Variants in NLRP14 observed in about 807,000 individuals in gnomAD.
NLRP14 encodes NACHT, LRR and PYD domains-containing protein 14.
In NLRP14, 105 loss-of-function variants were observed where a neutral mutation model predicts 94.7. The ratio of observed to expected loss-of-function variants is 1.11; its 90% CI spans 0.95 to 1.30. The LOEUF (loss-of-function observed/expected upper bound fraction) is 1.30, where lower values mean the gene tolerates loss of function less well. Ranked by LOEUF, NLRP14 falls within the 50% of genes most tolerant of loss-of-function variation. NLRP14 has a pLI of 0.00. For missense variants in NLRP14, 1,362 were observed against 1,254.1 expected, an observed-to-expected ratio of 1.09 and a Z score of -1.30; for synonymous variants, 508 against 459.9, an observed-to-expected ratio of 1.10 and a Z score of -1.34.
At chr11:7,070,573 A>C in intron 11 of NLRP14, 117 bp downstream of exon 11, 1 of 715,956 alleles carries the variant, frequency 1.4e-6, no homozygotes, top group Non-Finnish European at 2.4e-6. Flanking sequence ...TATTTTCTAG[A>C]CACTTATTTG....
chr11:7,047,796 T>C (rs1852381221), intron 5 of NLRP14, among the ~76,000 whole-genome samples: 1 of 143,622 alleles, frequency 7.0e-6, no homozygotes, highest in Admixed American at 7.2e-5. Context: ...AGTCTTGCTC[T>C]GTCACCAGGC....
At position 7,030,807 on chromosome 11, in the gene NLRP14, G is replaced by GTC. The variant is rs1293403140; in HGVS notation, c.-21-7759_-21-7758insTC. On this transcript the variant is annotated intron_variant, in intron 1 of 11. Coordinates refer to ENST00000299481, the MANE Select transcript of NLRP14 (RefSeq NM_176822.4). ...GCCAGTCTGGGAAAGGTCCTTCAAA[G>GTC]CTGGGGTTCAATTCCCCGACTTCCT... Among the ~76,000 whole-genome samples, 1,169 of 152,312 alleles carry GTC rather than the reference G, an allele frequency of 7.7e-3. 14 individuals carry two copies. Among genetic ancestry groups the GTC allele is most frequent in the African/African-American group, 0.027 (1,127 of 41,584 alleles).
chr11:7,072,985 A>C (rs1852824552), downstream of NLRP14, among the ~76,000 whole-genome samples: 1 of 152,038 alleles, frequency 6.6e-6, no homozygotes, highest in Non-Finnish European at 1.5e-5. Context: ...ACTATGGCTC[A>C]AGAATTGCTT....
rs553447709 is a variant in NLRP14, at chr11:7,046,746, C to G, written c.2037C>G (p.Asp679Glu). The G allele has an allele frequency of 2.0e-5, 32 of 1,613,224 alleles. No individual in the cohort carries two copies. The East Asian group carries it at 2.5e-4, about 12-fold the overall frequency. Residue 679 changes from aspartate to glutamate, a missense_variant, in exon 5 of 12, where the codon GAC becomes GAG. Asp to Glu is a conservative substitution (Grantham distance 45). Coordinates refer to ENST00000299481, the MANE Select transcript of NLRP14 (RefSeq NM_176822.4). ...CAAATGAACACTTGAGAGAATTGGACCTGTACCATAGCAACCTTGATAAAT... is the reference window on the plus strand; with the variant it reads ...CAAATGAACACTTGAGAGAATTGGAGCTGTACCATAGCAACCTTGATAAAT... Reference protein sequence around the residue: ...LHTNEHLRELDLYHSNLDKSA... With the variant: ...LHTNEHLRELELYHSNLDKSA...
chr11:7,057,908 GTGAT>G, intron 7 of NLRP14, 61 bp downstream of exon 7: 1 of 1,399,556 alleles, frequency 7.1e-7, no homozygotes, highest in Non-Finnish European at 1.0e-6. Context: ...TAGCTTAATT[GTGAT>G]CTGATAGGGA....
In NLRP14 at chr11:7,048,628, A is replaced by G. The variant is rs1288689617; in HGVS notation, c.2124-1043A>G. Among the ~76,000 whole-genome samples, 2 of 152,070 alleles carry G rather than the reference A, an allele frequency of 1.3e-5. 1 individual carries two copies. Among genetic ancestry groups the G allele is most frequent in the East Asian group, 3.9e-4 (2 of 5,184 alleles). ...AGAGTAGGCTTGGTCTTACATATAG[A>G]TGTAGTAAGACAACTAGATGTATGT... On this transcript the variant is annotated intron_variant, in intron 5 of 11. Coordinates refer to ENST00000299481, the MANE Select transcript of NLRP14 (RefSeq NM_176822.4).
intron 1 of NLRP14, among the ~76,000 whole-genome samples, chr11:7,031,921 A>G (rs1852103800): frequency 6.6e-6 from 1 of 152,146 alleles, no homozygotes; most frequent in African/African-American, 2.4e-5. Context: ...GGCGTTGGTC[A>G]TCCTCTCTAG....
Position 7,070,313 on chromosome 11 carries a change from C to A in NLRP14, c.3003C>A (p.Leu1001=). Residue 1001 remains leucine, a synonymous_variant, in exon 11 of 12, where the codon CTC becomes CTA. Coordinates refer to ENST00000299481, the MANE Select transcript of NLRP14 (RefSeq NM_176822.4). Reference sequence around the variant, plus strand: ...TGGAATACTGTGGTTTGACATCTCTCTGCTGTCAAGATCTCTCCTCTGCTC... The same window carrying A: ...TGGAATACTGTGGTTTGACATCTCTATGCTGTCAAGATCTCTCCTCTGCTC... ...LGLEYCGLTS[L]CCQDLSSALI... 2 of 1,611,674 alleles carry A rather than the reference C, an allele frequency of 1.2e-6. No homozygotes were observed. The highest frequency in any genetic ancestry group is 1.7e-6 in the Non-Finnish European group (2 of 1,177,968).
intron 10 of NLRP14, among the ~76,000 whole-genome samples, chr11:7,067,120 T>A (rs1019746434): frequency 1.3e-5 from 2 of 152,208 alleles, no homozygotes; most frequent in African/African-American, 4.8e-5. Context: ...TAGTACAGTT[T>A]GAAGTCAGGT....
rs758968602 is a variant in NLRP14 at position 7,062,398 on chromosome 11, C to G, written c.2870C>G (p.Pro957Arg). Residue 957 changes from proline to arginine, a missense_variant, in exon 10 of 12, where the codon CCA (proline) becomes CGA (arginine). Pro to Arg is a moderately radical substitution (Grantham distance 103). Transcript: ENST00000299481. ...CTGGCTTCTGTTATTTTGAATAACC[C>G]AAACCTGAGGAGCCTGGACCTTGGG... The part of the protein sequence containing the change: ...LDLASVILNN[P>R]NLRSLDLGNN... The G allele has an allele frequency of 1.2e-6, 2 of 1,612,922 alleles. No homozygotes were observed. The highest frequency in any genetic ancestry group is 1.7e-6 in the Non-Finnish European group (2 of 1,179,194).
the NLRP14 span, among the ~76,000 whole-genome samples, chr11:7,085,695 T>G: frequency 5.4e-4 from 83 of 152,366 alleles, no homozygotes; most frequent in Middle Eastern, 3.4e-3. Flanking sequence ...GCATATAACC[T>G]GTACATATTC....
chr11:7,084,550 G>A, the NLRP14 span, among the ~76,000 whole-genome samples: 12 of 152,100 alleles, frequency 7.9e-5, no homozygotes, highest in Non-Finnish European at 8.8e-5. Context: ...TAACAATCCC[G>A]AAAAGGCTGG....
rs112946649 is a variant in NLRP14, at chr11:7,042,303, G to A, written c.362-85G>A. ...CTTTCTTGTTCCTAATTCCAAGTTCGGTATTCTTGACATTACATTTCATAG... is the reference window on the plus strand; with the variant it reads ...CTTTCTTGTTCCTAATTCCAAGTTCAGTATTCTTGACATTACATTTCATAG... On this transcript the variant is annotated intron_variant, in intron 3 of 11. Coordinates refer to ENST00000299481, the MANE Select transcript of NLRP14 (RefSeq NM_176822.4). 2,313 of 1,103,800 alleles carry A rather than the reference G, an allele frequency of 2.1e-3. 26 individuals are homozygous for A. The African/African-American group carries it at 0.028, about 13-fold the overall frequency. The allele number at this position is 1,103,800 out of a possible 1,614,324, so 68.4% of individuals were successfully genotyped here. A position where few individuals can be genotyped will look rare whatever the true frequency, so the allele number is the denominator to read the frequency against.
chr11:7,046,698 A>G lies in NLRP14; in HGVS notation c.1989A>G (p.Gln663=), dbSNP rs766805411. 6.2e-7 allele frequency: 1 copy of G among 1,613,924 alleles called. No individual in the cohort carries two copies. The highest frequency in any genetic ancestry group is 2.2e-5 in the East Asian group (1 of 44,884). The change falls in exon 5 of 12, where the codon CAA becomes CAG. Residue 663 remains glutamine (Q), a synonymous_variant. Coordinates refer to ENST00000299481, the MANE Select transcript of NLRP14 (RefSeq NM_176822.4). ...GTGATCGCATTACTCACTGTTGGCA[A>G]GATCTCTGTTCTGTGCTTCATACAA... ...WDGDRITHCW[Q]DLCSVLHTNE...
intron 10 of NLRP14, among the ~76,000 whole-genome samples, chr11:7,063,636 C>T (rs1852661093): frequency 6.6e-6 from 1 of 152,048 alleles, no homozygotes; most frequent in African/African-American, 2.4e-5. Context: ...AAAATCTTGG[C>T]TTCTGGTGAA....
chr11:7,062,560 A>AC, intron 10 of NLRP14, 57 bp downstream of exon 10: 1 of 1,471,042 alleles, frequency 6.8e-7, no homozygotes, highest in Non-Finnish European at 9.5e-7. Context: ...TAGTATAGCT[A>AC]GAAGATATTT....
At chr11:7,052,922 CAG>C (rs1852462461) in intron 6 of NLRP14, among the ~76,000 whole-genome samples, 1 of 152,144 alleles carries the variant, frequency 6.6e-6, no homozygotes, top group Non-Finnish European at 1.5e-5. Flanking sequence ...TACCAGCAAG[CAG>C]AGACTAAACT....
the NLRP14 span, among the ~76,000 whole-genome samples, chr11:7,085,224 G>A: frequency 3.3e-5 from 5 of 152,110 alleles, no homozygotes; most frequent in African/African-American, 9.7e-5. Flanking sequence ...GTCTGGTAGT[G>A]TTAGGTTTAT....
chr11:7,046,642 T>C, intron 4 of NLRP14, 26 bp from the exon 5 acceptor site: 1 of 1,605,542 alleles, frequency 6.2e-7, no homozygotes, highest in Non-Finnish European at 8.5e-7. Flanking sequence ...AGCATTGTTT[T>C]TCTTTTCTCA....
Sources: allele counts gnomAD v4.1 joint callset (sites outside exome capture counted in the v4.1 genomes callset), GRCh38; gene constraint gnomAD v4.1.1; transcripts MANE v1.5; gene names NCBI Gene and HGNC (gene_info 2026-07-23, HGNC 2026-07-21).